The following TUSC7 variants were observed in gnomAD, a reference collection of about 807,000 sequenced individuals.
TUSC7 encodes the protein tumor suppressor candidate 7, also known as LSAMP antisense RNA 3.
At chr3:116,712,641 A>G (rs2051471712) in intron 1 of TUSC7, 1 of 152,190 alleles carries the variant, frequency 6.6e-6, no homozygotes, top group Non-Finnish European at 1.5e-5. Context: ...AAGAATATAA[A>G]CACCAAGGGA....
intron 1 of TUSC7, among the ~76,000 whole-genome samples, chr3:116,714,749 C>T (rs987645114): frequency 6.6e-6 from 1 of 152,166 alleles, no homozygotes; most frequent in African/African-American, 2.4e-5. Context: ...TATAGCCCCT[C>T]CCTCCACAAG....
intron 1 of TUSC7, among the ~76,000 whole-genome samples, chr3:116,715,381 G>T (rs1302658606): frequency 6.6e-6 from 1 of 152,106 alleles, no homozygotes; most frequent in Non-Finnish European, 1.5e-5. Context: ...ATTACATTTA[G>T]TTTTGTAAGA....
chr3:116,710,928 A>T (rs1204919448), intron 1 of TUSC7, among the ~76,000 whole-genome samples: 1 of 151,968 alleles, frequency 6.6e-6, no homozygotes, highest in Non-Finnish European at 1.5e-5. Flanking sequence ...CCATTAACAA[A>T]CTGCATTAAC....
chr3:116,714,312 C>T (rs1272976221), intron 1 of TUSC7, among the ~76,000 whole-genome samples: 1 of 152,144 alleles, frequency 6.6e-6, no homozygotes, highest in Non-Finnish European at 1.5e-5. Context: ...ATCTAGAAAA[C>T]ACAGCAGGAG....
intron 1 of TUSC7, among the ~76,000 whole-genome samples, chr3:116,711,092 G>C (rs1355798387): frequency 6.6e-6 from 1 of 152,072 alleles, no homozygotes; most frequent in Non-Finnish European, 1.5e-5. Flanking sequence ...AGGTATCAAG[G>C]GGAAGATATG....
intron 1 of TUSC7, chr3:116,714,289 A>T (rs1418477228): frequency 6.6e-6 from 1 of 152,196 alleles, no homozygotes; most frequent in Admixed American, 6.5e-5. Context: ...TTTGCACCAA[A>T]TGTGTATTCT....
intron 1 of TUSC7, among the ~76,000 whole-genome samples, chr3:116,711,223 A>C (rs972589312): frequency 6.6e-6 from 1 of 152,176 alleles, no homozygotes; most frequent in South Asian, 2.1e-4. Context: ...CTAAGAAGTA[A>C]GGGCATGCAG....
chr3:116,714,682 A>G (rs1295164041), intron 1 of TUSC7, among the ~76,000 whole-genome samples: 1 of 152,158 alleles, frequency 6.6e-6, no homozygotes, highest in East Asian at 1.9e-4. Flanking sequence ...TCATTTTTTA[A>G]AAGATTTAAT....
At chr3:116,711,196 G>A (rs961209147) in intron 1 of TUSC7, among the ~76,000 whole-genome samples, 1 of 152,124 alleles carries the variant, frequency 6.6e-6, no homozygotes, top group African/African-American at 2.4e-5. Context: ...CACAACCTCA[G>A]TAATGTTCTT....
At chr3:116,712,532 G>A (rs2051470389) in intron 1 of TUSC7, 2 of 152,306 alleles carry the variant, frequency 1.3e-5, no homozygotes, top group South Asian at 4.1e-4. Context: ...TAAAGAGATG[G>A]AGGCAGTGAC....
At position 116,715,844 on chromosome 3, in the gene TUSC7, G is replaced by A. The variant is rs112467654; in HGVS notation, n.99-1917G>A. Among the ~76,000 whole-genome samples the A allele has an allele frequency of 6.4e-3, 971 of 152,056 alleles. 11 individuals carry two copies. The highest frequency in any genetic ancestry group is 0.024 in the Middle Eastern group (7 of 294). On this transcript the variant is annotated intron_variant and non_coding_transcript_variant, in intron 1 of 2. Coordinates refer to ENST00000477805, the Ensembl canonical transcript of TUSC7. ...TGATTTAAATTATCCATTTCATATG[G>A]CATTAACAAAATGCATTTAGGTAAT...
intron 1 of TUSC7, chr3:116,712,944 G>A (rs908408911): frequency 3.9e-5 from 6 of 152,050 alleles, no homozygotes; most frequent in African/African-American, 1.4e-4. Flanking sequence ...GCTTCTACAT[G>A]CATTACACCA....
At chr3:116,711,223 A>T (rs972589312) in intron 1 of TUSC7, among the ~76,000 whole-genome samples, 1 of 152,176 alleles carries the variant, frequency 6.6e-6, no homozygotes, top group African/African-American at 2.4e-5. Context: ...CTAAGAAGTA[A>T]GGGCATGCAG....
At chr3:116,715,599 T>G (rs2051498878) in intron 1 of TUSC7, among the ~76,000 whole-genome samples, 1 of 152,204 alleles carries the variant, frequency 6.6e-6, no homozygotes, top group Non-Finnish European at 1.5e-5. Context: ...TTTCATATGC[T>G]TATTTGCCAT....
chr3:116,716,311 T>G (rs1202594563), intron 1 of TUSC7: 3 of 152,174 alleles, frequency 2.0e-5, no homozygotes, highest in African/African-American at 7.2e-5. Context: ...GTGGTCGGTC[T>G]TTTATCCTTC....
At chr3:116,714,263 C>T (rs1270004667) in intron 1 of TUSC7, 2 of 152,126 alleles carry the variant, frequency 1.3e-5, no homozygotes, top group Non-Finnish European at 2.9e-5. Flanking sequence ...TACCTTTCAC[C>T]ATGGAATTGT....
intron 1 of TUSC7, chr3:116,716,304 G>T (rs796389522): frequency 4.6e-5 from 7 of 152,164 alleles, no homozygotes; most frequent in African/African-American, 7.2e-5. Flanking sequence ...CCAAAAAGTG[G>T]TCGGTCTTTT....
chr3:116,710,722 AT>A (rs2051456007), intron 1 of TUSC7, among the ~76,000 whole-genome samples: 1 of 152,114 alleles, frequency 6.6e-6, no homozygotes, highest in Non-Finnish European at 1.5e-5. Context: ...TTCCAAACTA[AT>A]GGTTTTTTTA....
intron 1 of TUSC7, chr3:116,709,928 AATGTAGGTAGAG>A (rs2051449625): frequency 6.6e-6 from 1 of 152,208 alleles, no homozygotes; most frequent in African/African-American, 2.4e-5. Flanking sequence ...TGTGTCCTAA[AATGTAGGTAGAG>A]ATAAGTCTGA....
Sources: allele counts gnomAD v4.1 joint callset (sites outside exome capture counted in the v4.1 genomes callset), GRCh38; gene constraint gnomAD v4.1.1; transcripts MANE v1.5; gene names NCBI Gene and HGNC (gene_info 2026-07-23, HGNC 2026-07-21).